PI4K2A: variants seen among roughly 807,000 people sequenced by gnomAD.
PI4K2A encodes the protein phosphatidylinositol 4-kinase type 2 alpha.
Under a neutral mutation model 55.0 loss-of-function variants are expected in PI4K2A, and 20 were observed. That is an observed-to-expected ratio of 0.36 (90% CI 0.26 to 0.53). PI4K2A has a LOEUF of 0.53. PI4K2A is among the 20% of genes least tolerant of loss of function. The pLI is 0.91. For missense variants in PI4K2A, 463 were observed against 637.1 expected, an observed-to-expected ratio of 0.73 and a Z score of 2.94; for synonymous variants, 235 against 258.5, an observed-to-expected ratio of 0.91 and a Z score of 0.87.
chr10:97,641,238 TG>T, intron 1 of PI4K2A, 61 bp downstream of exon 1: 2 of 1,294,086 alleles, frequency 1.5e-6, no homozygotes, highest in Middle Eastern at 1.9e-4. Flanking sequence ...CCTGGGGAGT[TG>T]GGGGCTTCGC....
intron 4 of PI4K2A, among the ~76,000 whole-genome samples, chr10:97,658,141 CTT>C (rs1160542508): frequency 6.6e-5 from 10 of 152,084 alleles, no homozygotes; most frequent in Non-Finnish European, 1.0e-4. Flanking sequence ...CTCCAGAACT[CTT>C]TTCATCTTGT....
Position 97,656,404 on chromosome 10 carries a change from G to A in PI4K2A, c.756G>A (p.Gly252=), listed in dbSNP as rs375708065. Residue 252 remains glycine, a synonymous_variant, in exon 3 of 9, where the codon GGG becomes GGA. Transcript: ENST00000370631. The surrounding 1 kb of genome is among the most constrained non-coding windows in gnomAD (Gnocchi z 4.5). Reference sequence around the variant, plus strand: ...TTGGACAGCGGTTTAACCGCATCGGGCTACCACCAAAGGTATAGACGCACC... The same window carrying A: ...TTGGACAGCGGTTTAACCGCATCGGACTACCACCAAAGGTATAGACGCACC... The A allele has an allele frequency of 3.1e-6, 5 of 1,614,044 alleles. No individual in the cohort carries two copies. Among genetic ancestry groups the A allele is most frequent in the African/African-American group, 2.7e-5 (2 of 75,024 alleles).
chr10:97,643,917 A>G (rs560552392), intron 1 of PI4K2A, among the ~76,000 whole-genome samples: 8 of 152,328 alleles, frequency 5.3e-5, no homozygotes, highest in Admixed American at 1.3e-4. Context: ...GCAGGTGACA[A>G]CACAAGCCCA....
chr10:97,655,428 T>C (rs1345741478), intron 2 of PI4K2A, among the ~76,000 whole-genome samples: 1 of 150,466 alleles, frequency 6.6e-6, no homozygotes, highest in Non-Finnish European at 1.5e-5. Context: ...ACAGAGTAAA[T>C]TGCAACTTGT....
In PI4K2A at chr10:97,659,236, G is replaced by A. The variant is rs1005868922; in HGVS notation, c.922+2262G>A. Among the ~76,000 whole-genome samples, 7 of 151,474 alleles carry A rather than the reference G, an allele frequency of 4.6e-5. No individual in the cohort carries two copies. In the East Asian group the frequency reaches 7.7e-4, roughly 17 times the overall value. On this transcript the variant is annotated intron_variant, in intron 4 of 8. Transcript: ENST00000370631. ...CTTTGTAGAGATGAGGTCTCACTGC[G>A]TTGCCCAGACTGGTCTCGAATTCCT... is the stretch of plus-strand genomic sequence containing the variant.
intron 8 of PI4K2A, among the ~76,000 whole-genome samples, chr10:97,669,702 G>T (rs931300493): frequency 1.3e-5 from 2 of 152,160 alleles, no homozygotes; most frequent in African/African-American, 4.8e-5. Flanking sequence ...ACAAAGCACA[G>T]AGAAAAGAGG....
At chr10:97,659,632 G>A (rs1458142821) in intron 4 of PI4K2A, among the ~76,000 whole-genome samples, 1 of 151,924 alleles carries the variant, frequency 6.6e-6, no homozygotes, top group Non-Finnish European at 1.5e-5. Flanking sequence ...ATGATGTTAG[G>A]GTCCTTTTTG....
intron 7 of PI4K2A, 101 bp downstream of exon 7, chr10:97,666,672 C>A: frequency 2.9e-6 from 3 of 1,024,440 alleles, no homozygotes; most frequent in African/African-American, 1.6e-5. Flanking sequence ...ATGGCTAACA[C>A]CTTTCTGACT....
rs1384049836 is a variant in PI4K2A at position 97,641,199 on chromosome 10, G to C, written c.435+22G>C. 3 of 1,566,600 alleles carry C rather than the reference G, an allele frequency of 1.9e-6. No individual in the cohort carries two copies. The Admixed American group carries it at 5.6e-5, about 29-fold the overall frequency. On this transcript the variant is annotated intron_variant, in intron 1 of 8. Coordinates refer to ENST00000370631, the Ensembl canonical transcript of PI4K2A. The stretch of plus-strand genomic sequence containing the variant: ...GGGGGTGAGTGCGGGGGTGGGGACC[G>C]CCGCCGCGGGCTGAGGGCCGGCGGC...
chr10:97,656,288 G>C lies in PI4K2A; in HGVS notation c.640G>C (p.Val214Leu), dbSNP rs749115616. 1.2e-6 allele frequency: 2 copies of C among 1,613,308 alleles called. No individual in the cohort carries two copies. Among genetic ancestry groups the C allele is most frequent in the Non-Finnish European group, 1.7e-6 (2 of 1,179,262 alleles). The change falls in exon 3 of 9, where the codon GTA becomes CTA. Residue 214 changes from valine to leucine, a missense_variant. This residue lies in a region of PI4K2A where 277 missense variants were observed against 432.6 expected (regional missense o/e 0.64). Coordinates refer to ENST00000370631, the Ensembl canonical transcript of PI4K2A. The surrounding 1 kb of genome is among the most constrained non-coding windows in gnomAD (Gnocchi z 4.5). ...TATCTCTTCTCTTTCACTGTAGGTA[G>C]TATACCTGGCCAGTGAGACCTTCAA...
intron 4 of PI4K2A, among the ~76,000 whole-genome samples, chr10:97,661,037 G>T (rs2041580459): frequency 6.6e-6 from 1 of 151,810 alleles, no homozygotes; most frequent in Non-Finnish European, 1.5e-5. Flanking sequence ...TGTTGCCCAG[G>T]CTGGAGTGCA....
intron 1 of PI4K2A, among the ~76,000 whole-genome samples, chr10:97,643,130 G>A (rs1387411913): frequency 6.6e-6 from 1 of 151,388 alleles, no homozygotes; most frequent in Non-Finnish European, 1.5e-5. Flanking sequence ...GGGACTACAG[G>A]CACGCACCAC....
intron 2 of PI4K2A, among the ~76,000 whole-genome samples, chr10:97,653,579 C>T (rs562557913): frequency 1.3e-5 from 2 of 152,302 alleles, no homozygotes; most frequent in South Asian, 2.1e-4. Flanking sequence ...AGAACCTTCA[C>T]GAGGCCTGAG....
At chr10:97,659,129 G>T (rs1332973309) in intron 4 of PI4K2A, among the ~76,000 whole-genome samples, 1 of 152,104 alleles carries the variant, frequency 6.6e-6, no homozygotes, top group Non-Finnish European at 1.5e-5. Flanking sequence ...CGGACTCCTG[G>T]GCTCAAGTGA....
chr10:97,654,791 A>G (rs1466043350), intron 2 of PI4K2A, among the ~76,000 whole-genome samples: 2 of 136,844 alleles, frequency 1.5e-5, no homozygotes, highest in East Asian at 2.2e-4. Context: ...GTGGATTACA[A>G]TTACGTCACT....
chr10:97,640,697 G>T lies in PI4K2A; in HGVS notation c.-46G>T, dbSNP rs575942963. 38 of 1,341,450 alleles carry T rather than the reference G, an allele frequency of 2.8e-5. No individual in the cohort carries two copies. In the East Asian group the frequency reaches 1.0e-3, roughly 36 times the overall value. The allele number at this position is 1,341,450 out of a possible 1,614,324, so 83.1% of individuals were successfully genotyped here. A position where few individuals can be genotyped will look rare whatever the true frequency, so the allele number is the denominator to read the frequency against. ...TCACGGATTGGTCGCGGCCGCGAGC[G>T]CAGTGGTGTGGAGCGCGCCGGGTCC... On this transcript the variant is annotated 5_prime_UTR_variant, in exon 1 of 9. Coordinates refer to ENST00000370631, the Ensembl canonical transcript of PI4K2A.
At chr10:97,667,628 T>A (rs1458884244) in intron 8 of PI4K2A, among the ~76,000 whole-genome samples, 2 of 152,206 alleles carry the variant, frequency 1.3e-5, no homozygotes, top group East Asian at 3.9e-4. Flanking sequence ...CCAGTGCTTG[T>A]TGAAGCACTT....
chr10:97,665,983 A>G (rs1241372950), intron 6 of PI4K2A, among the ~76,000 whole-genome samples: 1 of 151,924 alleles, frequency 6.6e-6, no homozygotes, highest in East Asian at 1.9e-4. Context: ...CTGTCTTTCC[A>G]TAATTTATTC....
intron 4 of PI4K2A, among the ~76,000 whole-genome samples, chr10:97,661,085 G>A (rs934961400): frequency 5.3e-5 from 8 of 152,020 alleles, no homozygotes; most frequent in South Asian, 4.2e-4. Flanking sequence ...TCCGCCTCCC[G>A]GGTTCACACC....
Sources: gnomAD v4.1 joint callset for allele counts (sites outside exome capture counted in the v4.1 genomes callset) on GRCh38, gnomAD v4.1.1 for gene constraint, gnomAD v4.1.1 regional missense constraint, Gnocchi (gnomAD v3.1) non-coding constraint, MANE v1.5 for transcripts, NCBI Gene and HGNC (gene_info 2026-07-23, HGNC 2026-07-21) for gene names.